The following MZF1 variants were observed in gnomAD, a reference collection of about 807,000 sequenced individuals.
MZF1 encodes myeloid zinc finger 1.
A neutral mutation model predicts 28.6 loss-of-function variants in MZF1; 24 were observed. That is an observed-to-expected ratio of 0.84 (90% confidence interval 0.61 to 1.18). MZF1 has a LOEUF of 1.18. MZF1 is among the 50% of genes most tolerant of loss of function. The pLI, the probability that MZF1 is intolerant of heterozygous loss-of-function variation, is 0.00. For synonymous variants in MZF1, 516 were observed against 432.5 expected (o/e 1.19, Z -2.40); for missense variants, 1,166 against 1,026.4 (o/e 1.14, Z -1.86).
In MZF1 at chr19:58,569,376, G is replaced by A. The variant is rs1403305421; in HGVS notation, c.673C>T (p.Gln225Ter). ...CCAGTCTTGCTGTGGGGAAAGATCTGGTCCAGCACGGTCCCACATCTCTGA... is the reference window on the plus strand; with the variant it reads ...CCAGTCTTGCTGTGGGGAAAGATCTAGTCCAGCACGGTCCCACATCTCTGA... ...EAQRCGTVLD[Q>*]IFPHSKTGPE... The change falls in exon 5 of 6, where the codon CAG (glutamine) becomes TAG (stop). Residue 225 changes from glutamine to a stop codon, truncating the protein, a stop_gained. Coordinates refer to ENST00000215057, the MANE Select transcript of MZF1 (RefSeq NM_198055.2). LOFTEE classifies it high-confidence loss of function. 6.2e-7 allele frequency: 1 copy of A among 1,613,958 alleles called. No individual in the cohort carries two copies. Among genetic ancestry groups the A allele is most frequent in the Admixed American group, 1.7e-5 (1 of 59,998 alleles).
intron 1 of MZF1, 30 bp from the exon 2 acceptor site, chr19:58,571,459 A>C (rs1163403699): frequency 1.3e-6 from 2 of 1,579,214 alleles, no homozygotes; most frequent in South Asian, 2.3e-5. Context: ...AGGCTGTTGC[A>C]AAAGGAGTAC....
In MZF1 at chr19:58,562,805, C is replaced by T. The variant is rs1390134849; in HGVS notation, c.1472G>A (p.Arg491His). The change falls in exon 6 of 6, where the codon CGC becomes CAC. Residue 491 changes from arginine to histidine, a missense_variant. Coordinates refer to ENST00000215057, the MANE Select transcript of MZF1 (RefSeq NM_198055.2). ...PPGPFPCSEC[R>H]ESFARRAVLL... ...CACGGCGCGCCGCGCGAAGCTCTCG[C>T]GGCACTCGCTGCACGGAAAGGGGCC... The T allele has an allele frequency of 3.9e-6, 6 of 1,534,542 alleles. No homozygotes were observed. Among genetic ancestry groups the T allele is most frequent in the Non-Finnish European group, 5.2e-6 (6 of 1,146,440 alleles).
At chr19:58,566,902 ACT>A (rs1437545731) in intron 5 of MZF1, among the ~76,000 whole-genome samples, 3 of 123,420 alleles carry the variant, frequency 2.4e-5, no homozygotes, top group African/African-American at 5.9e-5. Flanking sequence ...TATTCCCAAG[ACT>A]CTTTTTTTTT....
In MZF1 at chr19:58,564,902, G is replaced by GTTTTTTTTT. The variant is rs71190056; in HGVS notation, c.773-1407_773-1399dup. On this transcript the variant is annotated intron_variant, in intron 5 of 5. Coordinates refer to ENST00000215057, the MANE Select transcript of MZF1 (RefSeq NM_198055.2). ...GTGGAGAATAAGCATCCATGTGTGT[G>GTTTTTTTTT]TTTTTTTTTTTTTTTTTTTTTTTTT... 1.4e-3 allele frequency among the ~76,000 whole-genome samples: 57 copies of GTTTTTTTTT among 41,990 alleles called. 12 individuals are homozygous for GTTTTTTTTT. The highest frequency in any genetic ancestry group is 4.2e-3 in the East Asian group (3 of 712). 27.5% of individuals were successfully genotyped at this position (41,990 alleles called of 152,430 possible). A position where few individuals can be genotyped will look rare whatever the true frequency, so the allele number is the denominator to read the frequency against.
rs1284536763 is a variant in MZF1, at chr19:58,562,131, G to A, written c.2146C>T (p.Arg716Cys). 1.9e-6 allele frequency: 3 copies of A among 1,596,400 alleles called. No homozygotes were observed. Among genetic ancestry groups the A allele is most frequent in the Non-Finnish European group, 2.6e-6 (3 of 1,173,286 alleles). ...AGCTTGGTGCTCTGGTGGAAGCGGC[G>A]GCCACAGTCCTGGCAGGCGAAGGGC... ...EKPFACQDCG[R>C]RFHQSTKLIQ... The change falls in exon 6 of 6, where the codon CGC becomes TGC. Residue 716 changes from arginine to cysteine, a missense_variant. Coordinates refer to ENST00000215057, the MANE Select transcript of MZF1 (RefSeq NM_198055.2).
chr19:58,567,991 C>T (rs904296451), intron 5 of MZF1, among the ~76,000 whole-genome samples: 4 of 152,148 alleles, frequency 2.6e-5, no homozygotes, highest in African/African-American at 9.7e-5. Context: ...AATCCCAGCA[C>T]TCTGGGAGGC....
At position 58,562,589 on chromosome 19, in the gene MZF1, TG is replaced by T; in HGVS notation, c.1687del (p.His563ThrfsTer199). The part of the protein sequence containing the change: ...RSNLTQHRRI[H>X]TGERPFACAE... ...GCAGGCGAAGGGCCGCTCCCCGGTG[TG>T]GATGCGCCGGTGCTGCGTCAGGTTG... On this transcript the variant is annotated frameshift_variant, in exon 6 of 6. Transcript: ENST00000215057. LOFTEE classifies it low-confidence loss of function (END_TRUNC). 1.3e-6 allele frequency: 2 copies of T among 1,589,174 alleles called. No individual in the cohort carries two copies. Among genetic ancestry groups the T allele is most frequent in the Non-Finnish European group, 1.7e-6 (2 of 1,170,878 alleles).
intron 1 of MZF1, chr19:58,572,646 G>A (rs1254839302): frequency 7.8e-7 from 1 of 1,288,510 alleles, no homozygotes; most frequent in African/African-American, 1.5e-5. Context: ...CCCGTGGGTG[G>A]CATCGATTTC....
Position 58,562,783 on chromosome 19 carries a change from G to A in MZF1, c.1494C>T (p.Ala498=), listed in dbSNP as rs768635326. ...SECRESFARR[A]VLLEHQAVHT... is the part of the protein sequence containing the mutation. ...GTACCGCCTGGTGCTCCAGCAGCAC[G>A]GCGCGCCGCGCGAAGCTCTCGCGGC... is the stretch of plus-strand genomic sequence containing the variant. Residue 498 remains alanine, a synonymous_variant, in exon 6 of 6, where the codon GCC becomes GCT. Transcript: ENST00000215057. The A allele has an allele frequency of 1.6e-4, 243 of 1,534,382 alleles. 1 individual carries two copies. In the Middle Eastern group the frequency reaches 2.8e-3, roughly 18 times the overall value.
chr19:58,565,389 T>C (rs1280168691), intron 5 of MZF1, among the ~76,000 whole-genome samples: 1 of 145,932 alleles, frequency 6.9e-6, no homozygotes, highest in African/African-American at 2.8e-5. Context: ...CCACCGCACC[T>C]AGCCAATTTT....
chr19:58,562,329 C>T lies in MZF1; in HGVS notation c.1948G>A (p.Glu650Lys). 1 of 1,609,516 alleles carries T rather than the reference C, an allele frequency of 6.2e-7. No homozygotes were observed. Among genetic ancestry groups the T allele is most frequent in the Non-Finnish European group, 8.5e-7 (1 of 1,178,794 alleles). ...LTEHQRIHTG[E>K]RPFACPECGQ... ...CACTCGGGGCAGGCGAAGGGCCGTTCGCCCGTGTGGATGCGCTGGTGCTCG... is the reference window on the plus strand; with the variant it reads ...CACTCGGGGCAGGCGAAGGGCCGTTTGCCCGTGTGGATGCGCTGGTGCTCG... Residue 650 changes from glutamate (E) to lysine (K), a missense_variant, in exon 6 of 6, where the codon GAA (glutamate) becomes AAA (lysine). Physicochemically the swap from Glu to Lys is moderately conservative, Grantham distance 56. Coordinates refer to ENST00000215057, the MANE Select transcript of MZF1 (RefSeq NM_198055.2).
At chr19:58,569,048 A>C in intron 5 of MZF1, 2 of 469,848 alleles carry the variant, frequency 4.3e-6, no homozygotes, top group South Asian at 3.4e-5. Context: ...TAGGGTGGGG[A>C]GTTTCTAGAA....
rs775124753 is a variant in MZF1, at chr19:58,562,592, A to G, written c.1685T>C (p.Ile562Thr). The G allele has an allele frequency of 3.7e-5, 59 of 1,586,840 alleles. No homozygotes were observed. The highest frequency in any genetic ancestry group is 5.0e-5 in the Non-Finnish European group (59 of 1,170,104). ...QRSNLTQHRR[I>T]HTGERPFACA... Reference sequence around the variant, plus strand: ...GGCGAAGGGCCGCTCCCCGGTGTGGATGCGCCGGTGCTGCGTCAGGTTGGA... The same window carrying G: ...GGCGAAGGGCCGCTCCCCGGTGTGGGTGCGCCGGTGCTGCGTCAGGTTGGA... The change falls in exon 6 of 6, where the codon ATC (isoleucine) becomes ACC (threonine). Residue 562 changes from isoleucine to threonine, a missense_variant. Coordinates refer to ENST00000215057, the MANE Select transcript of MZF1 (RefSeq NM_198055.2).
At position 58,571,114 on chromosome 19, in the gene MZF1, G is replaced by A. The variant is rs756087078; in HGVS notation, c.276C>T (p.Phe92=). Reference sequence around the variant, plus strand: ...GGATCTCAGGGGGCAGTGCGCCCAGGAACTGCTCCAGCACCAACAGCTCCA... The same window carrying A: ...GGATCTCAGGGGGCAGTGCGCCCAGAAACTGCTCCAGCACCAACAGCTCCA... The part of the protein sequence containing the change: ...QMLELLVLEQ[F]LGALPPEIQA... The change falls in exon 2 of 6, where the codon TTC becomes TTT. Residue 92 remains phenylalanine, a synonymous_variant. Coordinates refer to ENST00000215057, the MANE Select transcript of MZF1 (RefSeq NM_198055.2). The A allele has an allele frequency of 3.5e-5, 57 of 1,613,896 alleles. No homozygotes were observed. The highest frequency in any genetic ancestry group is 4.6e-5 in the Non-Finnish European group (54 of 1,180,018).
intron 1 of MZF1, 99 bp from the exon 2 acceptor site, chr19:58,571,528 G>A (rs988787060): frequency 8.1e-6 from 9 of 1,112,976 alleles, no homozygotes; most frequent in Non-Finnish European, 1.1e-5. Flanking sequence ...CCTACCCCAT[G>A]TGGAAGGCAG....
intron 1 of MZF1, chr19:58,572,632 T>C (rs2054187143): frequency 1.6e-6 from 2 of 1,289,344 alleles, no homozygotes; most frequent in Non-Finnish European, 1.0e-6. Flanking sequence ...CGCAGAATCA[T>C]TCCCCCGTGG....
intron 1 of MZF1, 60 bp from the exon 2 acceptor site, chr19:58,571,489 A>G (rs866685118): frequency 1.4e-6 from 2 of 1,435,200 alleles, no homozygotes; most frequent in African/African-American, 1.4e-5. Context: ...TTCACTGCCT[A>G]GTCTATGCTG....
Position 58,562,892 on chromosome 19 carries a change from T to G in MZF1, c.1385A>C (p.His462Pro). Residue 462 changes from histidine to proline, a missense_variant, in exon 6 of 6, where the codon CAC (histidine) becomes CCC (proline). His to Pro is a moderately conservative substitution (Grantham distance 77). Transcript: ENST00000215057. ...AGCGCCAGGGCCCGGGGGATCGCCG[T>G]GGATGCGCTGGTGCTGCAGCAGATT... is the stretch of plus-strand genomic sequence containing the variant. ...RSNLLQHQRI[H>P]GDPPGPGAKP... is the part of the protein sequence containing the mutation. 1.3e-6 allele frequency: 2 copies of G among 1,575,234 alleles called. No individual in the cohort carries two copies. Among genetic ancestry groups the G allele is most frequent in the Non-Finnish European group, 8.6e-7 (1 of 1,166,870 alleles).
chr19:58,564,250 CAAAGA>C (rs1431100317), intron 5 of MZF1: 1 of 151,792 alleles, frequency 6.6e-6, no homozygotes, highest in Non-Finnish European at 1.5e-5. Context: ...CATAAGTCGC[CAAAGA>C]AAAGTCAGAT....
Sources: allele counts gnomAD v4.1 joint callset (sites outside exome capture counted in the v4.1 genomes callset), GRCh38; gene constraint gnomAD v4.1.1; transcripts MANE v1.5; gene names NCBI Gene and HGNC (gene_info 2026-07-23, HGNC 2026-07-21).